The following TMEM132E variants were observed in gnomAD, a reference collection of about 807,000 sequenced individuals.
The protein encoded by TMEM132E is transmembrane protein 132E.
TMEM132E carries 49 observed loss-of-function variants against 78.5 expected under a neutral mutation model. The observed-to-expected ratio is 0.62, with a 90% CI of 0.50 to 0.79. TMEM132E has a LOEUF of 0.79. Ranked by LOEUF, TMEM132E falls within the 30% of genes least tolerant of loss-of-function variation. The pLI, the probability that TMEM132E is intolerant of heterozygous loss-of-function variation, is 0.00. For missense variants in TMEM132E, 1,403 were observed against 1,470.9 expected, an observed-to-expected ratio of 0.95 and a Z score of 0.75; for synonymous variants, 715 against 670.6, an observed-to-expected ratio of 1.07 and a Z score of -1.02.
chr17:34,635,231 G>T, intron 7 of TMEM132E, 144 bp downstream of exon 7: 2 of 985,930 alleles, frequency 2.0e-6, no homozygotes, highest in Non-Finnish European at 2.9e-6. Flanking sequence ...TCCAAGGTCA[G>T]GCTCTTTTAG....
intron 5 of TMEM132E, among the ~76,000 whole-genome samples, chr17:34,630,687 G>A (rs11653811): frequency 6.6e-4 from 100 of 152,262 alleles, no homozygotes; most frequent in African/African-American, 2.3e-3. Context: ...ATATGAGTTA[G>A]GCCAGGCATG....
At chr17:34,581,408 C>T (rs968376716) in intron 1 of TMEM132E, among the ~76,000 whole-genome samples, 1 of 151,796 alleles carries the variant, frequency 6.6e-6, no homozygotes, top group African/African-American at 2.4e-5. Flanking sequence ...GGTTCGAACC[C>T]GAAGGTCTGG....
Position 34,638,529 on chromosome 17 carries a change from A to C in TMEM132E, c.*297A>C. 2 of 324,016 alleles carry C rather than the reference A, an allele frequency of 6.2e-6. No individual in the cohort carries two copies. Among genetic ancestry groups the C allele is most frequent in the East Asian group, 1.0e-4 (2 of 19,744 alleles). The allele number at this position is 324,016 out of a possible 1,614,324, so 20.1% of individuals were successfully genotyped here. A position where few individuals can be genotyped will look rare whatever the true frequency, so the allele number is the denominator to read the frequency against. On this transcript the variant is annotated 3_prime_UTR_variant, in exon 9 of 9. Transcript: ENST00000631683. The stretch of plus-strand genomic sequence containing the variant: ...TTCCAAACCTCCTCCCATCTTAAGC[A>C]ACCCCCTGCCCCAAGAGTGAGGCAA...
intron 1 of TMEM132E, among the ~76,000 whole-genome samples, chr17:34,596,874 A>C (rs1906077353): frequency 6.7e-6 from 1 of 149,428 alleles, no homozygotes; most frequent in Non-Finnish European, 1.5e-5. Flanking sequence ...AAAAAAAAAA[A>C]AGGAAGAAAG....
intron 1 of TMEM132E, among the ~76,000 whole-genome samples, chr17:34,593,023 A>G (rs189587251): frequency 1.0e-3 from 152 of 152,322 alleles, no homozygotes; most frequent in African/African-American, 3.5e-3. Context: ...AATCTTGTCT[A>G]TTTATCACAT....
chr17:34,588,941 A>T (rs909882438), intron 1 of TMEM132E, among the ~76,000 whole-genome samples: 3 of 152,154 alleles, frequency 2.0e-5, no homozygotes, highest in Admixed American at 6.5e-5. Context: ...TTTGGTAGAG[A>T]TGGGGTTTCA....
chr17:34,637,551 G>C lies in TMEM132E; in HGVS notation c.2544G>C (p.Ala848=), dbSNP rs761371213. 4.4e-6 allele frequency: 7 copies of C among 1,599,446 alleles called. No homozygotes were observed. Among genetic ancestry groups the C allele is most frequent in the Non-Finnish European group, 6.0e-6 (7 of 1,175,294 alleles). The stretch of plus-strand genomic sequence containing the variant: ...GGGGAGCTGGCCCGCCGGGCTCTGC[G>C]CTACCCGCACCGGAGGCTCCAGGCC... ...EARGAGPPGS[A]LPAPEAPGPG... The change falls in exon 9 of 9, where the codon GCG becomes GCC. Residue 848 remains alanine, a synonymous_variant. Transcript: ENST00000631683.
chr17:34,621,690 G>T (rs565712036), intron 1 of TMEM132E, among the ~76,000 whole-genome samples: 2 of 152,188 alleles, frequency 1.3e-5, no homozygotes, highest in Admixed American at 6.5e-5. Context: ...AAACTGGTCT[G>T]CAGGGCAAGC....
At chr17:34,621,575 G>A (rs981808033) in intron 1 of TMEM132E, among the ~76,000 whole-genome samples, 3 of 152,268 alleles carry the variant, frequency 2.0e-5, no homozygotes, top group South Asian at 2.1e-4. Flanking sequence ...ACATGGAGAA[G>A]CCCCTTTTCT....
chr17:34,615,349 A>G lies in TMEM132E; in HGVS notation c.68-10778A>G, dbSNP rs112280340. ...ACCCCCCTCCCCGATTCCTCTGCCT[A>G]GGTCTCTGTGATTTCCTTCCTTCCT... On this transcript the variant is annotated intron_variant, in intron 1 of 8. Transcript: ENST00000631683. 5.9e-3 allele frequency among the ~76,000 whole-genome samples: 895 copies of G among 152,206 alleles called. 11 individuals carry two copies. Among genetic ancestry groups the G allele is most frequent in the African/African-American group, 0.021 (853 of 41,548 alleles).
intron 1 of TMEM132E, among the ~76,000 whole-genome samples, chr17:34,624,871 A>G (rs562091555): frequency 3.6e-4 from 55 of 152,370 alleles, no homozygotes; most frequent in Non-Finnish European, 6.9e-4. Context: ...GAAACAAAAC[A>G]AATGACAACA....
intron 1 of TMEM132E, among the ~76,000 whole-genome samples, chr17:34,594,125 G>A (rs1163681370): frequency 6.6e-6 from 1 of 152,136 alleles, no homozygotes; most frequent in Non-Finnish European, 1.5e-5. Flanking sequence ...ATATGACATG[G>A]TTATGTGTTC....
At chr17:34,581,587 C>T (rs967777212) in intron 1 of TMEM132E, among the ~76,000 whole-genome samples, 4 of 150,254 alleles carry the variant, frequency 2.7e-5, no homozygotes, top group Non-Finnish European at 5.9e-5. Context: ...TGCGGGGCCG[C>T]GCCGCCCGTC....
At chr17:34,589,760 C>T (rs548395761) in intron 1 of TMEM132E, among the ~76,000 whole-genome samples, 8 of 152,308 alleles carry the variant, frequency 5.3e-5, no homozygotes, top group African/African-American at 1.4e-4. Context: ...GCCCTGCCAC[C>T]GCATGACGGC....
chr17:34,626,785 G>T lies in TMEM132E; in HGVS notation c.726G>T (p.Ser242=). The part of the protein sequence containing the change: ...LYYTLHAPDA[S]GGCGGSRRGA... Reference sequence around the variant, plus strand: ...ACACGCTCCACGCCCCTGATGCGTCGGGGGGCTGCGGGGGCTCCCGCCGGG... The same window carrying T: ...ACACGCTCCACGCCCCTGATGCGTCTGGGGGCTGCGGGGGCTCCCGCCGGG... Residue 242 remains serine (S), a synonymous_variant, in exon 2 of 9, where the codon TCG becomes TCT. Transcript: ENST00000631683. 1 of 1,492,676 alleles carries T rather than the reference G, an allele frequency of 6.7e-7. No homozygotes were observed. The highest frequency in any genetic ancestry group is 9.0e-7 in the Non-Finnish European group (1 of 1,117,246). The allele number at this position is 1,492,676 out of a possible 1,614,324, so 92.5% of individuals were successfully genotyped here.
Position 34,638,305 on chromosome 17 carries a change from C to G in TMEM132E, c.*73C>G, listed in dbSNP as rs1279795953. On this transcript the variant is annotated 3_prime_UTR_variant, in exon 9 of 9. Transcript: ENST00000631683. ...TCGGGGTAGGACACAGCCGGGACCC[C>G]GGTTCACACTGACTCTGGGCGGCTG... 21 of 1,388,382 alleles carry G rather than the reference C, an allele frequency of 1.5e-5. No homozygotes were observed. In the South Asian group the frequency reaches 2.8e-4, roughly 19 times the overall value. The allele number at this position is 1,388,382 out of a possible 1,614,324, so 86.0% of individuals were successfully genotyped here.
rs1300441418 is a variant in TMEM132E, at chr17:34,626,284, C to T, written c.225C>T (p.Arg75=). 2 of 1,609,454 alleles carry T rather than the reference C, an allele frequency of 1.2e-6. No homozygotes were observed. The highest frequency in any genetic ancestry group is 1.1e-5 in the South Asian group (1 of 90,170). Reference sequence around the variant, plus strand: ...CGGTCGCCAACAGCTCTCTGCAGCGCTCCGAGCCCTTCGTGGTGTTCCAGA... The same window carrying T: ...CGGTCGCCAACAGCTCTCTGCAGCGTTCCGAGCCCTTCGTGGTGTTCCAGA... ...SPAVANSSLQ[R]SEPFVVFQTK... is the part of the protein sequence containing the mutation. The change falls in exon 2 of 9, where the codon CGC becomes CGT. Residue 75 remains arginine (R), a synonymous_variant. Transcript: ENST00000631683.
At chr17:34,615,376 A>C (rs1250472375) in intron 1 of TMEM132E, among the ~76,000 whole-genome samples, 2 of 151,718 alleles carry the variant, frequency 1.3e-5, no homozygotes, top group African/African-American at 4.8e-5. Flanking sequence ...TTCCTTCCTT[A>C]CTCTCAAAGA....
rs59547151 is a variant in TMEM132E at position 34,627,505 on chromosome 17, T to TGTGTGTGTGTGTGTGTGTGTGTGTG, written c.998+448_998+449insGTGTGTGTGTGTGTGTGTGTGTGTG. Among the ~76,000 whole-genome samples the TGTGTGTGTGTGTGTGTGTGTGTGTG allele has an allele frequency of 7.2e-4, 107 of 148,890 alleles. 1 individual carries two copies. Among genetic ancestry groups the TGTGTGTGTGTGTGTGTGTGTGTGTG allele is most frequent in the Middle Eastern group, 3.5e-3 (1 of 288 alleles). On this transcript the variant is annotated intron_variant, in intron 2 of 8. Transcript: ENST00000631683. ...GTGTGTGTGTGTGTGTGTGTGTGTG[T>TGTGTGTGTGTGTGTGTGTGTGTGTG]TTTGGGACATTTGCCCCAGTCCTAG... is the stretch of plus-strand genomic sequence containing the variant.
Sources: gnomAD v4.1 joint callset for allele counts (sites outside exome capture counted in the v4.1 genomes callset) on GRCh38, gnomAD v4.1.1 for gene constraint, MANE v1.5 for transcripts, NCBI Gene and HGNC (gene_info 2026-07-23, HGNC 2026-07-21) for gene names.